SRCAP: variants seen among roughly 807,000 people sequenced by gnomAD.
The protein encoded by SRCAP is chromatin remodeling protein SRCAP.
In SRCAP, 46 loss-of-function variants were observed where a neutral mutation model predicts 263.1. That is an observed-to-expected ratio of 0.17 (90% CI 0.14 to 0.22). The LOEUF (loss-of-function observed/expected upper bound fraction) is 0.22, where lower values mean the gene tolerates loss of function less well. SRCAP is among the 10% of genes least tolerant of loss of function. The pLI, the probability that SRCAP is intolerant of heterozygous loss-of-function variation, is 1.00. For missense variants in SRCAP, 3,695 were observed against 4,181.9 expected, an observed-to-expected ratio of 0.88 and a Z score of 3.21; for synonymous variants, 1,813 against 1,662.1, an observed-to-expected ratio of 1.09 and a Z score of -2.21.
At position 30,738,054 on chromosome 16, in the gene SRCAP, A is replaced by G. The variant is rs771974869; in HGVS notation, c.8014A>G (p.Arg2672Gly). Residue 2672 changes from arginine to glycine, a missense_variant, in exon 34 of 34, where the codon AGG becomes GGG. This residue lies in a region of SRCAP where 1,207 missense variants were observed against 1,142.9 expected (regional missense o/e 1.06). Transcript: ENST00000262518. Reference protein sequence around the residue: ...EPLQEPLEADRTSEELTEAKT... With the variant: ...EPLQEPLEADGTSEELTEAKT... ...ACTTCAGGAGCCACTGGAGGCTGAC[A>G]GGACCTCGGAAGAGCTGACAGAGGC... 13 of 1,614,156 alleles carry G rather than the reference A, an allele frequency of 8.1e-6. No homozygotes were observed. The highest frequency in any genetic ancestry group is 4.5e-5 in the East Asian group (2 of 44,892).
intron 16 of SRCAP, 28 bp downstream of exon 16, chr16:30,713,739 A>G (rs764014484): frequency 1.2e-6 from 2 of 1,608,032 alleles, no homozygotes; most frequent in Non-Finnish European, 1.7e-6. Context: ...TTGTCAGGGT[A>G]TTGGGAATGG....
In SRCAP at chr16:30,733,268, A is replaced by G; in HGVS notation, c.6128-12A>G. 1 of 1,612,686 alleles carries G rather than the reference A, an allele frequency of 6.2e-7. No individual in the cohort carries two copies. The highest frequency in any genetic ancestry group is 8.5e-7 in the Non-Finnish European group (1 of 1,179,854). ...TGTAGCTAGCTCCCTGTATCCCTTCATATCTCTTTAGGAAAGTTGCAGACG... is the reference window on the plus strand; with the variant it reads ...TGTAGCTAGCTCCCTGTATCCCTTCGTATCTCTTTAGGAAAGTTGCAGACG... On this transcript the variant is annotated splice_polypyrimidine_tract_variant and intron_variant, in intron 27 of 33. Coordinates refer to ENST00000262518, the MANE Select transcript of SRCAP (RefSeq NM_006662.3). This position sits in a 1 kb window ranked among gnomAD's most constrained non-coding sequence, Gnocchi z 5.3.
chr16:30,734,329 A>C (rs1305579172), intron 30 of SRCAP, 167 bp from the exon 31 acceptor site: 3 of 1,043,766 alleles, frequency 2.9e-6, no homozygotes, highest in Non-Finnish European at 4.1e-6. Context: ...GGTGACGAGC[A>C]AAACCGTCTC....
rs138917108 is a variant in SRCAP at position 30,733,870 on chromosome 16, C to A, written c.6495-24C>A. The A allele has an allele frequency of 1.1e-5, 18 of 1,613,424 alleles. No homozygotes were observed. In the African/African-American group the frequency reaches 2.1e-4, roughly 19 times the overall value. ...TTTCCTGGATATATTTGGCTGCTTA[C>A]ACACGGCCTTCATCACCCCCTAGGC... On this transcript the variant is annotated intron_variant, in intron 29 of 33. Transcript: ENST00000262518. This position sits in a 1 kb window ranked among gnomAD's most constrained non-coding sequence, Gnocchi z 5.3.
Position 30,737,441 on chromosome 16 carries a change from C to A in SRCAP, c.7401C>A (p.Pro2467=). The change falls in exon 34 of 34, where the codon CCC becomes CCA. Residue 2467 remains proline (P), a synonymous_variant. Transcript: ENST00000262518. ...LVPVPVSAPV[P]ISAPNPITIL... The stretch of plus-strand genomic sequence containing the variant: ...CTGTCCCAGTTTCTGCCCCAGTACC[C>A]ATTTCAGCCCCAAATCCAATAACCA... 6.3e-7 allele frequency: 1 copy of A among 1,594,364 alleles called. No individual in the cohort carries two copies. The highest frequency in any genetic ancestry group is 1.8e-5 in the Admixed American group (1 of 56,856).
intron 4 of SRCAP, among the ~76,000 whole-genome samples, chr16:30,706,555 T>G (rs1274030139): frequency 1.3e-5 from 2 of 152,226 alleles, no homozygotes; most frequent in Non-Finnish European, 2.9e-5. Flanking sequence ...GAAGCTTTAG[T>G]AAAAATGACC....
At chr16:30,735,412 C>T (rs1032093752) in intron 31 of SRCAP, among the ~76,000 whole-genome samples, 1 of 151,888 alleles carries the variant, frequency 6.6e-6, no homozygotes, top group Non-Finnish European at 1.5e-5. Flanking sequence ...TCCCAAAGTG[C>T]TGGGATTACA....
intron 20 of SRCAP, 48 bp downstream of exon 20, chr16:30,721,026 T>G (rs767100038): frequency 6.4e-7 from 1 of 1,560,160 alleles, no homozygotes; most frequent in Non-Finnish European, 8.7e-7. Flanking sequence ...TCAGAAAGGT[T>G]GTTCAGACTG....
intron 4 of SRCAP, among the ~76,000 whole-genome samples, chr16:30,705,229 A>G (rs1184836271): frequency 6.6e-6 from 1 of 151,764 alleles, no homozygotes; most frequent in East Asian, 2.0e-4. Context: ...TGAACTGGGA[A>G]CCGGAGGTTG....
chr16:30,713,504 T>A lies in SRCAP; in HGVS notation c.2301-15T>A. The A allele has an allele frequency of 1.2e-6, 2 of 1,613,882 alleles. No homozygotes were observed. The highest frequency in any genetic ancestry group is 1.7e-6 in the Non-Finnish European group (2 of 1,179,868). ...GCTGACCATACTCTCTCTGATTCTC[T>A]CTGTCTCTTTGCAGCCAGAGACGCC... On this transcript the variant is annotated splice_polypyrimidine_tract_variant and intron_variant, in intron 15 of 33. Transcript: ENST00000262518.
chr16:30,730,793 G>A (rs1381149462), intron 27 of SRCAP, among the ~76,000 whole-genome samples: 2 of 146,914 alleles, frequency 1.4e-5, no homozygotes, highest in East Asian at 2.0e-4. Context: ...TCAGCCTCCC[G>A]AGTAGCTGGG....
chr16:30,705,928 TCTC>T (rs1482251850), intron 4 of SRCAP, among the ~76,000 whole-genome samples: 1 of 152,138 alleles, frequency 6.6e-6, no homozygotes, highest in African/African-American at 2.4e-5. Context: ...ATGGTCTCGA[TCTC>T]CTGACCTTGT....
Position 30,739,222 on chromosome 16 carries a change from G to T in SRCAP, c.9182G>T (p.Arg3061Leu). The change falls in exon 34 of 34, where the codon CGC (arginine) becomes CTC (leucine). Residue 3061 changes from arginine to leucine, a missense_variant. Physicochemically the swap from Arg to Leu is moderately radical, Grantham distance 102. Around this residue, in one of 12 missense-constraint regions of SRCAP, gnomAD observed 1,207 missense variants for 1,142.9 expected, o/e 1.06. Coordinates refer to ENST00000262518, the MANE Select transcript of SRCAP (RefSeq NM_006662.3). ...EGSSSDEDGS[R>L]PLTRLARLRL... is the part of the protein sequence containing the mutation. Reference sequence around the variant, plus strand: ...AGTTCCTCTGATGAGGATGGAAGCCGCCCCCTCACCCGCCTGGCCCGCCTT... The same window carrying T: ...AGTTCCTCTGATGAGGATGGAAGCCTCCCCCTCACCCGCCTGGCCCGCCTT... The T allele has an allele frequency of 6.2e-7, 1 of 1,613,364 alleles. No homozygotes were observed. Among genetic ancestry groups the T allele is most frequent in the Non-Finnish European group, 8.5e-7 (1 of 1,180,002 alleles).
At chr16:30,728,852 T>C (rs1335019293) in intron 25 of SRCAP, 114 bp from the exon 26 acceptor site, 1 of 1,243,386 alleles carries the variant, frequency 8.0e-7, no homozygotes, top group Non-Finnish European at 1.1e-6. Flanking sequence ...AAAAGCATAG[T>C]GTATTTTTGG....
At chr16:30,727,958 A>G (rs2053078641) in intron 25 of SRCAP, among the ~76,000 whole-genome samples, 1 of 152,206 alleles carries the variant, frequency 6.6e-6, no homozygotes, top group South Asian at 2.1e-4. Flanking sequence ...CTGGGATTAT[A>G]GGCTTGAGCC....
At chr16:30,703,449 C>T (rs1471144652) in intron 3 of SRCAP, among the ~76,000 whole-genome samples, 2 of 151,122 alleles carry the variant, frequency 1.3e-5, no homozygotes, top group Admixed American at 6.6e-5. Context: ...CCACCTTAGC[C>T]TCCCAAAGTG....
In SRCAP at chr16:30,711,602, G is replaced by T; in HGVS notation, c.1350G>T (p.Gln450His). 6.2e-7 allele frequency: 1 copy of T among 1,606,188 alleles called. No individual in the cohort carries two copies. The change falls in exon 11 of 34, where the codon CAG becomes CAT. Residue 450 changes from glutamine (Q) to histidine (H), a missense_variant. Gln to His is a conservative substitution (Grantham distance 24, BLOSUM62 0). Around this residue, in one of 12 missense-constraint regions of SRCAP, gnomAD observed 288 missense variants for 302.4 expected, o/e 0.95. Transcript: ENST00000262518. ...TTTCCATGGAGGAGCTATTGCAGCAGTATGCAGGAGCCTATGCCCCAGGCT... is the reference window on the plus strand; with the variant it reads ...TTTCCATGGAGGAGCTATTGCAGCATTATGCAGGAGCCTATGCCCCAGGCT... The part of the protein sequence containing the change: ...GELSMEELLQ[Q>H]YAGAYAPGSG...
At position 30,736,250 on chromosome 16, in the gene SRCAP, C is replaced by T; in HGVS notation, c.6780C>T (p.Ala2260=). 6.2e-7 allele frequency: 1 copy of T among 1,614,126 alleles called. No individual in the cohort carries two copies. The highest frequency in any genetic ancestry group is 1.3e-5 in the African/African-American group (1 of 75,014). The change falls in exon 32 of 34, where the codon GCC becomes GCT. Residue 2260 remains alanine, a synonymous_variant. Coordinates refer to ENST00000262518, the MANE Select transcript of SRCAP (RefSeq NM_006662.3). ...AGGATATCCGTGCAGCCACCCAGGC[C>T]AAGGCTGAACAGGTGGCTGAGCTTG... is the stretch of plus-strand genomic sequence containing the variant. ...DEEDIRAATQ[A]KAEQVAELAE...
rs397854666 is a variant in SRCAP, at chr16:30,740,075, CT to C, written c.*358del. 0.38 allele frequency: 55,939 copies of C among 147,498 alleles called. 12,617 individuals carry two copies. Among genetic ancestry groups the C allele is most frequent in the South Asian group, 0.69 (3,056 of 4,458 alleles). The allele number at this position is 147,498 out of a possible 1,614,324, so 9.1% of individuals were successfully genotyped here. On this transcript the variant is annotated 3_prime_UTR_variant, in exon 34 of 34. Coordinates refer to ENST00000262518, the MANE Select transcript of SRCAP (RefSeq NM_006662.3). ...GGCTTCTCTACAATGAGGTTTTTTT[CT>C]TTTTTTTTTTTTTTTAAGAAGAAAA...
Sources: allele counts gnomAD v4.1 joint callset (sites outside exome capture counted in the v4.1 genomes callset), GRCh38; gene constraint gnomAD v4.1.1; regional missense constraint gnomAD v4.1.1; non-coding constraint Gnocchi (gnomAD v3.1); transcripts MANE v1.5; gene names NCBI Gene and HGNC (gene_info 2026-07-23, HGNC 2026-07-21).